The following NOL4L variants were observed in gnomAD, a reference collection of about 807,000 sequenced individuals.
NOL4L encodes the protein nucleolar protein 4 like, also known as nucleolar protein 4-like.
In NOL4L, 7 loss-of-function variants were observed where a neutral mutation model predicts 64.5. The ratio of observed to expected loss-of-function variants is 0.11; its 90% CI spans 0.06 to 0.20. The LOEUF is 0.20. Ranked by LOEUF, NOL4L falls within the 10% of genes least tolerant of loss-of-function variation. The pLI is 1.00. For synonymous variants in NOL4L, 413 were observed against 401.0 expected (o/e 1.03, Z -0.36); for missense variants, 680 against 967.1 (o/e 0.70, Z 3.94).
intron 6 of NOL4L, among the ~76,000 whole-genome samples, chr20:32,454,934 T>C (rs2013331542): frequency 6.6e-6 from 1 of 152,184 alleles, no homozygotes; most frequent in African/African-American, 2.4e-5. Context: ...CCTCTCTCCC[T>C]GGGACCAGGC....
rs937693417 is a variant in NOL4L at position 32,564,021 on chromosome 20, AC to A, written c.321+20548del. 2.7e-4 allele frequency among the ~76,000 whole-genome samples: 41 copies of A among 152,328 alleles called. No individual in the cohort carries two copies. In the Middle Eastern group the frequency reaches 0.014, roughly 51 times the overall value. ...GCAGGAAAGGTAATTGCTAATTTGC[AC>A]GAGAGGAGACAAAGGGACAAAGGCG... On this transcript the variant is annotated intron_variant, in intron 1 of 10. Transcript: ENST00000621426.
intron 4 of NOL4L, among the ~76,000 whole-genome samples, chr20:32,482,085 A>G (rs886956101): frequency 1.3e-5 from 2 of 152,204 alleles, no homozygotes; most frequent in African/African-American, 4.8e-5. Context: ...CACAGAGTCC[A>G]AACACCATTT....
intron 6 of NOL4L, among the ~76,000 whole-genome samples, chr20:32,455,536 A>C (rs770200055): frequency 6.6e-6 from 1 of 152,188 alleles, no homozygotes; most frequent in Non-Finnish European, 1.5e-5. Flanking sequence ...GCACTACTAC[A>C]GGAAACCTTA....
At position 32,511,518 on chromosome 20, in the gene NOL4L, G is replaced by A. The variant is rs1239044649; in HGVS notation, c.590-62C>T. ...GTGCTGCGGGCCTGTTGCCCACATG[G>A]AGCATTTAACAGAGCCCGTGGAAGA... is the stretch of plus-strand genomic sequence containing the variant. On this transcript the variant is annotated intron_variant, in intron 3 of 10. Transcript: ENST00000621426. 8 of 1,202,224 alleles carry A rather than the reference G, an allele frequency of 6.7e-6. No individual in the cohort carries two copies. The East Asian group carries it at 2.0e-4, about 31-fold the overall frequency. 74.5% of individuals were successfully genotyped at this position (1,202,224 alleles called of 1,614,324 possible).
chr20:32,490,442 C>T (rs1216556958), intron 4 of NOL4L, among the ~76,000 whole-genome samples: 3 of 152,182 alleles, frequency 2.0e-5, no homozygotes, highest in South Asian at 2.1e-4. Flanking sequence ...GGGAGGCATC[C>T]GGCTGGAAGA....
intron 1 of NOL4L, among the ~76,000 whole-genome samples, chr20:32,569,502 T>C (rs1979632237): frequency 6.6e-6 from 1 of 151,564 alleles, no homozygotes; most frequent in Admixed American, 6.6e-5. Context: ...GGGTAGGAGG[T>C]AGTGATGGAA....
At chr20:32,485,078 A>AC (rs1459616570) in intron 4 of NOL4L, among the ~76,000 whole-genome samples, 164 of 147,824 alleles carry the variant, frequency 1.1e-3, no homozygotes, top group African/African-American at 4.0e-3. Context: ...AAAAAAAAAA[A>AC]AAAAAAAAAC....
intron 5 of NOL4L, among the ~76,000 whole-genome samples, chr20:32,467,872 G>A (rs1600683389): frequency 1.3e-5 from 2 of 152,182 alleles, no homozygotes; most frequent in South Asian, 2.1e-4. Context: ...GGAGGGGGCC[G>A]GGCCAAGGAG....
Position 32,452,456 on chromosome 20 carries a change from G to C in NOL4L, c.1621-19C>G. 1 of 1,543,486 alleles carries C rather than the reference G, an allele frequency of 6.5e-7. No individual in the cohort carries two copies. Among genetic ancestry groups the C allele is most frequent in the South Asian group, 1.2e-5 (1 of 80,938 alleles). On this transcript the variant is annotated intron_variant, in intron 9 of 10. Transcript: ENST00000621426. The stretch of plus-strand genomic sequence containing the variant: ...GCTCATCCTGCAGAGGGGAGAGGGG[G>C]GCGCTGGGGAAACCAAGGGGCAGCT...
chr20:32,494,935 C>A, intron 4 of NOL4L, among the ~76,000 whole-genome samples: 1 of 148,098 alleles, frequency 6.8e-6, no homozygotes, highest in South Asian at 2.1e-4. Context: ...GCATTCCTGG[C>A]TTATTCACAT....
In NOL4L at chr20:32,447,574, T is replaced by A; in HGVS notation, c.*22A>T. The A allele has an allele frequency of 6.3e-7, 1 of 1,577,472 alleles. No individual in the cohort carries two copies. The stretch of plus-strand genomic sequence containing the variant: ...GGGACAGCCTCCTTCCCTAGGGCAG[T>A]GCGCTCCAGGTGCCGGTGGGGTCAG... On this transcript the variant is annotated 3_prime_UTR_variant, in exon 11 of 11. Coordinates refer to ENST00000621426, the MANE Select transcript of NOL4L (RefSeq NM_001256798.2).
In NOL4L at chr20:32,453,135, T is replaced by A; in HGVS notation, c.1498-129A>T. 1 of 1,445,572 alleles carries A rather than the reference T, an allele frequency of 6.9e-7. No homozygotes were observed. The highest frequency in any genetic ancestry group is 9.4e-7 in the Non-Finnish European group (1 of 1,065,770). 89.5% of individuals were successfully genotyped at this position (1,445,572 alleles called of 1,614,324 possible). The stretch of plus-strand genomic sequence containing the variant: ...TCCAGCGCCTCAGTCTATGGAGCTG[T>A]GTGATCTTTCTGGGCCTTAGTTCCC... On this transcript the variant is annotated intron_variant, in intron 8 of 10. Transcript: ENST00000621426. The surrounding 1 kb of genome is among the most constrained non-coding windows in gnomAD (Gnocchi z 5.6).
At chr20:32,452,172 G>A in intron 10 of NOL4L, 64 bp downstream of exon 10, 1 of 1,423,582 alleles carries the variant, frequency 7.0e-7, no homozygotes, top group Non-Finnish European at 9.4e-7. Flanking sequence ...GCTGCCCAGG[G>A]CTGCTCTGCA....
chr20:32,558,576 G>A (rs1449340601), intron 1 of NOL4L, among the ~76,000 whole-genome samples: 3 of 152,154 alleles, frequency 2.0e-5, no homozygotes, highest in African/African-American at 4.8e-5. Flanking sequence ...AGCCGGCTGG[G>A]TACACGGCCG....
rs79250744 is a variant in NOL4L, at chr20:32,459,049, C to T, written c.842-2654G>A. On this transcript the variant is annotated intron_variant, in intron 5 of 10. Transcript: ENST00000621426. ...GCTGGGGATCGACAGGCACTAGTGC[C>T]GGGGCAGAACCTCCCCTAACTGCAC... is the stretch of plus-strand genomic sequence containing the variant. Among the ~76,000 whole-genome samples the T allele has an allele frequency of 5.9e-5, 9 of 152,320 alleles. No homozygotes were observed. In the East Asian group the frequency reaches 1.2e-3, roughly 20 times the overall value.
chr20:32,572,860 T>A (rs1979839113), intron 1 of NOL4L, among the ~76,000 whole-genome samples: 1 of 152,056 alleles, frequency 6.6e-6, no homozygotes, highest in African/African-American at 2.4e-5. Context: ...CTTCTGCAGC[T>A]CTCTGCTCCA....
In NOL4L at chr20:32,532,531, G is replaced by A. The variant is rs2018381186; in HGVS notation, c.322-4618C>T. On this transcript the variant is annotated intron_variant, in intron 1 of 10. Transcript: ENST00000621426. The stretch of plus-strand genomic sequence containing the variant: ...ATGCTAAATGCTGCAGGGGAGGCAG[G>A]CCTTCCCTAGCTAAGGATCCAGACA... 1.5e-5 allele frequency: 3 copies of A among 196,924 alleles called. No homozygotes were observed. The Admixed American group carries it at 2.0e-4, about 13-fold the overall frequency. 12.2% of individuals were successfully genotyped at this position (196,924 alleles called of 1,614,324 possible). A position where few individuals can be genotyped will look rare whatever the true frequency, so the allele number is the denominator to read the frequency against.
At chr20:32,476,427 G>A (rs6087916) in intron 4 of NOL4L, among the ~76,000 whole-genome samples, 5 of 152,182 alleles carry the variant, frequency 3.3e-5, no homozygotes, top group South Asian at 2.1e-4. Context: ...TGCGGGCTCC[G>A]GGAACCAGGA....
At chr20:32,545,777 G>A (rs1035982729) in intron 1 of NOL4L, among the ~76,000 whole-genome samples, 1 of 152,222 alleles carries the variant, frequency 6.6e-6, no homozygotes, top group African/African-American at 2.4e-5. Flanking sequence ...GGAGGTGCAG[G>A]GAGAGGCATG....
Sources: allele counts gnomAD v4.1 joint callset (sites outside exome capture counted in the v4.1 genomes callset), GRCh38; gene constraint gnomAD v4.1.1; non-coding constraint Gnocchi (gnomAD v3.1); transcripts MANE v1.5; gene names NCBI Gene and HGNC (gene_info 2026-07-23, HGNC 2026-07-21).